The following GALNT13 variants were observed in gnomAD, a reference collection of about 807,000 sequenced individuals.
GALNT13 encodes UDP-GalNAc:polypeptide N-acetylgalactosaminyltransferase 13.
A neutral mutation model predicts 64.2 loss-of-function variants in GALNT13; 28 were observed. That is an observed-to-expected ratio of 0.44 (90% CI 0.32 to 0.60). GALNT13 has a LOEUF of 0.60. Among genes scored for constraint, GALNT13 ranks in the 20% least tolerant of loss-of-function variants. GALNT13 has a pLI of 0.05. For synonymous variants in GALNT13, 214 were observed against 224.6 expected, an observed-to-expected ratio of 0.95 and a Z score of 0.42; for missense variants, 577 against 669.8, an observed-to-expected ratio of 0.86 and a Z score of 1.53.
At chr2:154,088,989 T>C (rs1404865734) in intron 3 of GALNT13, among the ~76,000 whole-genome samples, 3 of 152,120 alleles carry the variant, frequency 2.0e-5, no homozygotes, top group East Asian at 1.9e-4. Flanking sequence ...AGGGCTCTTC[T>C]TGATTTTCTC....
chr2:154,194,759 C>T (rs146012179), intron 4 of GALNT13, among the ~76,000 whole-genome samples: 5 of 152,068 alleles, frequency 3.3e-5, no homozygotes, highest in South Asian at 2.1e-4. Context: ...CATCATTTTA[C>T]CTATAAGGAG....
chr2:153,479,809 A>G, the GALNT13 span, among the ~76,000 whole-genome samples: 7 of 152,110 alleles, frequency 4.6e-5, no homozygotes, highest in African/African-American at 1.7e-4. Flanking sequence ...AGCCATTGTG[A>G]TTTTGCTCTA....
intron 3 of GALNT13, among the ~76,000 whole-genome samples, chr2:153,945,493 CAA>C (rs1691663950): frequency 6.6e-6 from 1 of 152,006 alleles, no homozygotes; most frequent in Non-Finnish European, 1.5e-5. Flanking sequence ...ATAAATATGA[CAA>C]AAAGCAAGCT....
intron 7 of GALNT13, 40 bp downstream of exon 7, chr2:154,246,022 C>T (rs1459259057): frequency 7.1e-7 from 1 of 1,400,112 alleles, no homozygotes; most frequent in Non-Finnish European, 9.9e-7. Flanking sequence ...GTATATCCCC[C>T]TAAAAATTAA....
the GALNT13 span, among the ~76,000 whole-genome samples, chr2:153,275,696 G>A: frequency 6.6e-6 from 1 of 152,046 alleles, no homozygotes; most frequent in Non-Finnish European, 1.5e-5. Flanking sequence ...TCCATAATAA[G>A]GCTATGTCAT....
chr2:153,081,610 C>A, the GALNT13 span, among the ~76,000 whole-genome samples: 1 of 152,116 alleles, frequency 6.6e-6, no homozygotes, highest in Non-Finnish European at 1.5e-5. Context: ...TGAGTGAAAG[C>A]ATCCAATGTT....
the GALNT13 span, among the ~76,000 whole-genome samples, chr2:153,850,416 A>G: frequency 1.3e-5 from 2 of 152,172 alleles, no homozygotes; most frequent in African/African-American, 2.4e-5. Flanking sequence ...AGATCAAACT[A>G]TTTCCAAACA....
At chr2:153,538,505 A>C in the GALNT13 span, among the ~76,000 whole-genome samples, 1 of 100,712 alleles carries the variant, frequency 9.9e-6, no homozygotes, top group Non-Finnish European at 1.9e-5. Flanking sequence ...CTCATCATCT[A>C]GCATTAGGTA....
intron 4 of GALNT13, among the ~76,000 whole-genome samples, chr2:154,155,251 G>A (rs1224124592): frequency 2.0e-5 from 3 of 151,830 alleles, no homozygotes; most frequent in Admixed American, 6.6e-5. Context: ...AAATAATTGT[G>A]CAAAATATAA....
the GALNT13 span, among the ~76,000 whole-genome samples, chr2:153,068,500 A>G: frequency 6.6e-6 from 1 of 152,140 alleles, no homozygotes; most frequent in Non-Finnish European, 1.5e-5. Context: ...TGGAATACAG[A>G]TGGTTTTAGC....
chr2:154,250,646 T>C (rs981242620), intron 7 of GALNT13, among the ~76,000 whole-genome samples: 1 of 152,098 alleles, frequency 6.6e-6, no homozygotes, highest in Admixed American at 6.6e-5. Flanking sequence ...TCACTAAGTA[T>C]AATAAATTAA....
chr2:154,347,634 G>A (rs1696146686), intron 9 of GALNT13, among the ~76,000 whole-genome samples: 1 of 152,094 alleles, frequency 6.6e-6, no homozygotes, highest in South Asian at 2.1e-4. Context: ...GAAGGAAAAT[G>A]TTTGGTCTTT....
chr2:153,825,382 A>G, the GALNT13 span, among the ~76,000 whole-genome samples: 2 of 152,218 alleles, frequency 1.3e-5, no homozygotes, highest in African/African-American at 4.8e-5. Flanking sequence ...TAACAATTTC[A>G]GCATTAGAAT....
At chr2:154,206,067 G>A (rs578261030) in intron 4 of GALNT13, among the ~76,000 whole-genome samples, 31 of 151,800 alleles carry the variant, frequency 2.0e-4, no homozygotes, top group Middle Eastern at 3.4e-3. Context: ...GTGCGATCTC[G>A]GCTCACTGCA....
chr2:153,486,078 C>T, the GALNT13 span, among the ~76,000 whole-genome samples: 1 of 152,092 alleles, frequency 6.6e-6, no homozygotes, highest in Non-Finnish European at 1.5e-5. Flanking sequence ...GCTGGGATTA[C>T]AGGCATGTGC....
chr2:153,547,905 A>T, the GALNT13 span, among the ~76,000 whole-genome samples: 1 of 152,206 alleles, frequency 6.6e-6, no homozygotes, highest in African/African-American at 2.4e-5. Flanking sequence ...GATATCCATA[A>T]GTGGGGCAAA....
At chr2:153,521,220 G>C in the GALNT13 span, among the ~76,000 whole-genome samples, 1 of 151,268 alleles carries the variant, frequency 6.6e-6, no homozygotes, top group East Asian at 1.9e-4. Flanking sequence ...TTTTTCATTA[G>C]TGTTTTCATT....
At chr2:154,027,129 T>C (rs554961418) in intron 3 of GALNT13, among the ~76,000 whole-genome samples, 1 of 152,318 alleles carries the variant, frequency 6.6e-6, no homozygotes, top group Admixed American at 6.5e-5. Flanking sequence ...TTTACCTATC[T>C]AAACAACTAT....
chr2:154,247,105 A>G (rs1036441631), intron 7 of GALNT13, among the ~76,000 whole-genome samples: 2 of 152,088 alleles, frequency 1.3e-5, no homozygotes, highest in Non-Finnish European at 2.9e-5. Flanking sequence ...TTGTTACTGA[A>G]CAATTAAATA....
Sources: allele counts gnomAD v4.1 joint callset (sites outside exome capture counted in the v4.1 genomes callset), GRCh38; gene constraint gnomAD v4.1.1; transcripts MANE v1.5; gene names NCBI Gene and HGNC (gene_info 2026-07-23, HGNC 2026-07-21).